YES1: variants seen among roughly 807,000 people sequenced by gnomAD.
The protein encoded by YES1 is tyrosine-protein kinase Yes.
A neutral mutation model predicts 70.4 loss-of-function variants in YES1; 39 were observed. That is an observed-to-expected ratio of 0.55 (90% CI 0.43 to 0.72). The LOEUF (loss-of-function observed/expected upper bound fraction) is 0.72, where lower values mean the gene tolerates loss of function less well. Ranked by LOEUF, YES1 falls within the 30% of genes least tolerant of loss-of-function variation. The pLI is 0.00. For synonymous variants in YES1, 198 were observed against 218.6 expected (o/e 0.91, Z 0.83); for missense variants, 495 against 644.8 (o/e 0.77, Z 2.52).
In YES1 at chr18:724,382, T is replaced by C. The variant is rs773056717; in HGVS notation, c.*42A>G. The C allele has an allele frequency of 1.9e-6, 3 of 1,543,888 alleles. No individual in the cohort carries two copies. Among genetic ancestry groups the C allele is most frequent in the African/African-American group, 2.7e-5 (2 of 73,260 alleles). Reference sequence around the variant, plus strand: ...CTGTAGAAAATCTACACAAGTTCTTTATATTTTGGCAGATTTGTGCATATA... The same window carrying C: ...CTGTAGAAAATCTACACAAGTTCTTCATATTTTGGCAGATTTGTGCATATA... On this transcript the variant is annotated 3_prime_UTR_variant, in exon 12 of 12. Coordinates refer to ENST00000314574, the MANE Select transcript of YES1 (RefSeq NM_005433.4).
intron 1 of YES1, among the ~76,000 whole-genome samples, chr18:765,093 A>C (rs1451082278): frequency 6.6e-6 from 1 of 151,390 alleles, no homozygotes; most frequent in Non-Finnish European, 1.5e-5. Context: ...AGAGGAAATC[A>C]AAAGAATTAA....
chr18:729,808 G>A (rs2080066882), intron 11 of YES1, among the ~76,000 whole-genome samples: 1 of 151,806 alleles, frequency 6.6e-6, no homozygotes, highest in Non-Finnish European at 1.5e-5. Flanking sequence ...TGTATTTTTA[G>A]CAGAGATGGG....
chr18:790,052 G>A (rs920590198), intron 1 of YES1, among the ~76,000 whole-genome samples: 5 of 151,924 alleles, frequency 3.3e-5, no homozygotes, highest in African/African-American at 7.2e-5. Flanking sequence ...GCAACACTCC[G>A]TCTCATAAAA....
intron 1 of YES1, among the ~76,000 whole-genome samples, chr18:765,763 C>T (rs991248273): frequency 2.0e-5 from 3 of 152,028 alleles, no homozygotes; most frequent in Non-Finnish European, 4.4e-5. Flanking sequence ...AAGAAAATGG[C>T]TAATAGTGTT....
chr18:760,805 C>T (rs1002532365), intron 1 of YES1, among the ~76,000 whole-genome samples: 1 of 152,030 alleles, frequency 6.6e-6, no homozygotes, highest in Non-Finnish European at 1.5e-5. Context: ...TTGAGAGGGG[C>T]AGGGGTGGGG....
chr18:792,527 ATCTCTCTCTC>A (rs374164158), intron 1 of YES1, among the ~76,000 whole-genome samples: 6 of 115,352 alleles, frequency 5.2e-5, no homozygotes, highest in South Asian at 2.9e-4. Context: ...CTGAGACTCC[ATCTCTCTCTC>A]TCTCTCTCTC....
intron 2 of YES1, 21 bp downstream of exon 2, chr18:756,536 A>G (rs369674153): frequency 6.2e-7 from 1 of 1,613,414 alleles, no homozygotes; most frequent in Non-Finnish European, 8.5e-7. Flanking sequence ...CAGACAACAT[A>G]ATTGTCCATT....
chr18:737,742 C>T (rs2080169680), intron 9 of YES1, among the ~76,000 whole-genome samples: 2 of 152,168 alleles, frequency 1.3e-5, no homozygotes, highest in African/African-American at 2.4e-5. Context: ...TTGACTGAGA[C>T]GGGGTCTCAC....
At position 724,095 on chromosome 18, in the gene YES1, C is replaced by T. The variant is rs2079989890; in HGVS notation, c.*329G>A. ...AATAAATAATTTTCTTTGAGCAATTCTGACTTTGGGGAAAAAAAGAAAGGA... is the reference window on the plus strand; with the variant it reads ...AATAAATAATTTTCTTTGAGCAATTTTGACTTTGGGGAAAAAAAGAAAGGA... On this transcript the variant is annotated 3_prime_UTR_variant, in exon 12 of 12. Coordinates refer to ENST00000314574, the MANE Select transcript of YES1 (RefSeq NM_005433.4). 1 of 196,672 alleles carries T rather than the reference C, an allele frequency of 5.1e-6. No individual in the cohort carries two copies. Among genetic ancestry groups the T allele is most frequent in the African/African-American group, 2.3e-5 (1 of 43,112 alleles). 12.2% of individuals were successfully genotyped at this position (196,672 alleles called of 1,614,324 possible).
Position 757,940 on chromosome 18 carries a change from T to C in YES1, c.-8-1105A>G, listed in dbSNP as rs146904811. Among the ~76,000 whole-genome samples the C allele has an allele frequency of 4.2e-3, 644 of 152,014 alleles. 3 individuals carry two copies. Among genetic ancestry groups the C allele is most frequent in the African/African-American group, 0.015 (615 of 41,506 alleles). ...AAAACCTACCTCATAAGGTTTACTA[T>C]GAGGATTAACTTTATTACAAATTCT... On this transcript the variant is annotated intron_variant, in intron 1 of 11. Coordinates refer to ENST00000314574, the MANE Select transcript of YES1 (RefSeq NM_005433.4).
chr18:781,194 G>A (rs1288687345), intron 1 of YES1, among the ~76,000 whole-genome samples: 1 of 150,354 alleles, frequency 6.7e-6, no homozygotes, highest in African/African-American at 2.5e-5. Context: ...GCTTGAACCT[G>A]GGAGATGGAG....
intron 1 of YES1, among the ~76,000 whole-genome samples, chr18:793,946 G>T (rs1906404214): frequency 6.6e-6 from 1 of 152,092 alleles, no homozygotes; most frequent in Admixed American, 6.5e-5. Context: ...AGGACAGGAA[G>T]GTTCTCTCTT....
chr18:748,025 C>A lies in YES1; in HGVS notation c.372-7G>T. 6.2e-7 allele frequency: 1 copy of A among 1,613,200 alleles called. No individual in the cohort carries two copies. Among genetic ancestry groups the A allele is most frequent in the Non-Finnish European group, 8.5e-7 (1 of 1,179,450 alleles). ...TTCCCACCAATCTCCTTCCCTGCAA[C>A]ACATAAAACAGCAATCACCGCAAGG... On this transcript the variant is annotated splice_polypyrimidine_tract_variant and splice_region_variant and intron_variant, in intron 3 of 11. Coordinates refer to ENST00000314574, the MANE Select transcript of YES1 (RefSeq NM_005433.4).
chr18:757,570 T>C (rs773770683), intron 1 of YES1, among the ~76,000 whole-genome samples: 2 of 149,532 alleles, frequency 1.3e-5, no homozygotes, highest in South Asian at 4.2e-4. Flanking sequence ...CCTGTAATTG[T>C]AGCACTTTGG....
intron 11 of YES1, among the ~76,000 whole-genome samples, chr18:731,899 G>A (rs919596109): frequency 6.7e-6 from 1 of 149,118 alleles, no homozygotes; most frequent in African/African-American, 2.5e-5. Flanking sequence ...GCTGGGAGGT[G>A]GAGGCTGCAG....
chr18:744,431 C>T (rs567112269), intron 6 of YES1, among the ~76,000 whole-genome samples: 13 of 151,364 alleles, frequency 8.6e-5, no homozygotes, highest in Admixed American at 8.6e-4. Context: ...ACTCTGTCGC[C>T]CAGGATGGAG....
At chr18:786,072 T>G (rs1368717789) in intron 1 of YES1, among the ~76,000 whole-genome samples, 1 of 152,220 alleles carries the variant, frequency 6.6e-6, no homozygotes, top group Non-Finnish European at 1.5e-5. Context: ...CCTCCAGAAC[T>G]GTGAGAAGTA....
Position 723,725 on chromosome 18 carries a change from ACT to A in YES1, c.*697_*698del, listed in dbSNP as rs1447571848. On this transcript the variant is annotated 3_prime_UTR_variant, in exon 12 of 12. Transcript: ENST00000314574. ...AGTTACCTTCATTATTCTAAGTCAA[ACT>A]CTTCAGAAAAGGACTGAAGTGAAAA... 6.6e-6 allele frequency: 1 copy of A among 152,616 alleles called. No homozygotes were observed. The highest frequency in any genetic ancestry group is 1.9e-4 in the East Asian group (1 of 5,200). The allele number at this position is 152,616 out of a possible 1,614,324, so 9.5% of individuals were successfully genotyped here.
intron 1 of YES1, among the ~76,000 whole-genome samples, chr18:811,045 CTT>C (rs1306405352): frequency 6.6e-6 from 1 of 152,160 alleles, no homozygotes; most frequent in Non-Finnish European, 1.5e-5. Context: ...CGTAATTTAA[CTT>C]TAGAAGTGTA....
Sources: allele counts gnomAD v4.1 joint callset (sites outside exome capture counted in the v4.1 genomes callset), GRCh38; gene constraint gnomAD v4.1.1; transcripts MANE v1.5; gene names NCBI Gene and HGNC (gene_info 2026-07-23, HGNC 2026-07-21).